PCGF6: variants seen among roughly 807,000 people sequenced by gnomAD.
PCGF6 encodes polycomb group ring finger 6.
PCGF6 carries 24 observed loss-of-function variants against 45.5 expected under a neutral mutation model. The ratio of observed to expected loss-of-function variants is 0.53; its 90% CI spans 0.38 to 0.74. PCGF6 has a LOEUF of 0.74. PCGF6 is among the 30% of genes least tolerant of loss of function. PCGF6 has a pLI of 0.00. For missense variants in PCGF6, 356 were observed against 443.2 expected, an observed-to-expected ratio of 0.80 and a Z score of 1.77; for synonymous variants, 152 against 162.1, an observed-to-expected ratio of 0.94 and a Z score of 0.47.
At chr10:103,325,873 A>G (rs2133573607) in intron 8 of PCGF6, among the ~76,000 whole-genome samples, 1 of 135,374 alleles carries the variant, frequency 7.4e-6, no homozygotes, top group East Asian at 2.2e-4. Context: ...AAAAAAAAAA[A>G]TTAGCTGGGC....
intron 6 of PCGF6, among the ~76,000 whole-genome samples, chr10:103,343,649 A>G (rs1023731800): frequency 2.6e-5 from 4 of 151,948 alleles, no homozygotes; most frequent in African/African-American, 9.7e-5. Flanking sequence ...CTTGGCCAAC[A>G]TGGCAAAACC....
intron 8 of PCGF6, among the ~76,000 whole-genome samples, chr10:103,321,648 C>T (rs948734918): frequency 4.0e-5 from 6 of 151,826 alleles, no homozygotes; most frequent in Non-Finnish European, 7.4e-5. Context: ...GGAGGCGGAG[C>T]TTGCAGTGAG....
intron 8 of PCGF6, among the ~76,000 whole-genome samples, chr10:103,318,825 C>T (rs2093185859): frequency 6.6e-6 from 1 of 152,070 alleles, no homozygotes; most frequent in Admixed American, 6.6e-5. Context: ...AGTTAGAAAA[C>T]TTTTCACATT....
At position 103,350,988 on chromosome 10, in the gene PCGF6, G is replaced by GCGGAGC; in HGVS notation, c.78_79insGCTCCG (p.Pro26_Pro27insAlaPro). ...GTGAGGGCGGGCGGGGAGACAGGAG[G>GCGGAGC]CGGAGGCGGCAAGGCTGCAGCTCCC... On this transcript the variant is annotated inframe_insertion, in exon 1 of 10. Transcript: ENST00000369847. 7.0e-7 allele frequency: 1 copy of GCGGAGC among 1,435,382 alleles called. No individual in the cohort carries two copies. The highest frequency in any genetic ancestry group is 1.5e-5 in the South Asian group (1 of 65,068). 88.9% of individuals were successfully genotyped at this position (1,435,382 alleles called of 1,614,324 possible).
chr10:103,308,178 G>C (rs1444735877), intron 9 of PCGF6, among the ~76,000 whole-genome samples: 3 of 152,108 alleles, frequency 2.0e-5, no homozygotes, highest in Non-Finnish European at 2.9e-5. Flanking sequence ...GTGGTGCTGT[G>C]AGAAGAGGGC....
At chr10:103,304,098 A>T in intron 9 of PCGF6, 137 bp from the exon 10 acceptor site, 1 of 668,708 alleles carries the variant, frequency 1.5e-6, no homozygotes, top group Non-Finnish European at 2.6e-6. Context: ...AAATAAGTGG[A>T]CCATATAGTT....
intron 8 of PCGF6, among the ~76,000 whole-genome samples, chr10:103,317,017 T>C (rs2093178488): frequency 1.3e-5 from 2 of 152,134 alleles, no homozygotes; most frequent in Admixed American, 6.6e-5. Flanking sequence ...TTTTATTTTA[T>C]TTTATTTTTT....
chr10:103,311,880 A>C (rs1254312873), intron 9 of PCGF6, among the ~76,000 whole-genome samples: 1 of 151,000 alleles, frequency 6.6e-6, no homozygotes, highest in East Asian at 2.0e-4. Context: ...CTTGAGGCCA[A>C]GAGTTTGAGA....
At chr10:103,314,401 G>A (rs147586253) in intron 8 of PCGF6, 129 bp from the exon 9 acceptor site, 24 of 543,846 alleles carry the variant, frequency 4.4e-5, no homozygotes, top group South Asian at 2.2e-4. Flanking sequence ...CTGATTAAAC[G>A]CTCTTGAAAA....
chr10:103,334,221 A>G (rs1189695299), intron 6 of PCGF6, among the ~76,000 whole-genome samples: 8 of 152,214 alleles, frequency 5.3e-5, no homozygotes, highest in African/African-American at 1.9e-4. Flanking sequence ...GGAAAATATG[A>G]GAATTTACTT....
intron 6 of PCGF6, among the ~76,000 whole-genome samples, chr10:103,340,819 T>C (rs1482464922): frequency 6.6e-6 from 1 of 152,196 alleles, no homozygotes; most frequent in Non-Finnish European, 1.5e-5. Context: ...ACCAGGCTAG[T>C]GTCCAGCTCC....
At chr10:103,345,192 T>C (rs2093294893) in intron 5 of PCGF6, 60 bp from the exon 6 acceptor site, 1 of 1,190,776 alleles carries the variant, frequency 8.4e-7, no homozygotes, top group Admixed American at 2.0e-5. Context: ...ATTGAGATCT[T>C]TGGAAAAATA....
Position 103,323,223 on chromosome 10 carries a change from G to A in PCGF6, c.909+3311C>T, listed in dbSNP as rs570672813. On this transcript the variant is annotated intron_variant, in intron 8 of 9. Coordinates refer to ENST00000369847, the MANE Select transcript of PCGF6 (RefSeq NM_001011663.2). ...CCAGGATATGTCAAGCTCAGTTAGA[G>A]AAGTCATATTTCACTGGATTTAGTA... 3.3e-5 allele frequency among the ~76,000 whole-genome samples: 5 copies of A among 152,308 alleles called. No homozygotes were observed. In the South Asian group the frequency reaches 1.0e-3, roughly 32 times the overall value.
chr10:103,316,021 G>C (rs992707325), intron 8 of PCGF6, among the ~76,000 whole-genome samples: 7 of 149,474 alleles, frequency 4.7e-5, no homozygotes, highest in African/African-American at 2.5e-5. Flanking sequence ...TATAGAGAGA[G>C]AGAGAGAGAG....
intron 5 of PCGF6, 34 bp from the exon 6 acceptor site, chr10:103,345,166 A>G (rs1233355173): frequency 7.1e-7 from 1 of 1,413,040 alleles, no homozygotes. Flanking sequence ...GTTAATTAAG[A>G]ATAAAAATGC....
chr10:103,326,388 CAAA>C (rs371726949), intron 8 of PCGF6, 143 bp downstream of exon 8: 1,648 of 238,284 alleles, frequency 6.9e-3, no homozygotes, highest in South Asian at 0.011. Context: ...GACTCCATCT[CAAA>C]AAAAAAAAAA....
In PCGF6 at chr10:103,302,961, C is replaced by T. The variant is rs1245554758; in HGVS notation, c.*944G>A. On this transcript the variant is annotated 3_prime_UTR_variant, in exon 10 of 10. Coordinates refer to ENST00000369847, the MANE Select transcript of PCGF6 (RefSeq NM_001011663.2). ...AAAATATTTCTTTCAGAAAGCATCA[C>T]AATGCTAATTTTAGGCAAATAATGT... The T allele has an allele frequency of 1.3e-5, 2 of 152,546 alleles. No homozygotes were observed. Among genetic ancestry groups the T allele is most frequent in the Admixed American group, 6.6e-5 (1 of 15,264 alleles). The allele number at this position is 152,546 out of a possible 1,614,324, so 9.4% of individuals were successfully genotyped here. A position where few individuals can be genotyped will look rare whatever the true frequency, so the allele number is the denominator to read the frequency against.
intron 7 of PCGF6, among the ~76,000 whole-genome samples, chr10:103,327,367 A>T (rs1208472473): frequency 6.6e-6 from 1 of 152,186 alleles, no homozygotes; most frequent in Non-Finnish European, 1.5e-5. Context: ...AGACTAAAAA[A>T]CATTAAGGGG....
At chr10:103,317,742 G>A (rs1370098372) in intron 8 of PCGF6, among the ~76,000 whole-genome samples, 4 of 151,712 alleles carry the variant, frequency 2.6e-5, no homozygotes, top group Admixed American at 2.0e-4. Flanking sequence ...GCCCCTAGAG[G>A]GTGGTCAGTT....
Sources: allele counts gnomAD v4.1 joint callset (sites outside exome capture counted in the v4.1 genomes callset), GRCh38; gene constraint gnomAD v4.1.1; transcripts MANE v1.5; gene names NCBI Gene and HGNC (gene_info 2026-07-23, HGNC 2026-07-21).